The following DCBLD1 variants were observed in gnomAD, a reference collection of about 807,000 sequenced individuals.
DCBLD1 encodes discoidin, CUB and LCCL domain containing 1.
DCBLD1 carries 57 observed loss-of-function variants against 71.5 expected under a neutral mutation model. The ratio of observed to expected loss-of-function variants is 0.80; its 90% CI spans 0.64 to 0.99. DCBLD1 has a LOEUF of 0.99. Ranked by LOEUF, DCBLD1 falls within the 50% of genes least tolerant of loss-of-function variation. The pLI, the probability that DCBLD1 is intolerant of heterozygous loss-of-function variation, is 0.00. For missense variants in DCBLD1, 891 were observed against 923.5 expected, an observed-to-expected ratio of 0.96 and a Z score of 0.46; for synonymous variants, 380 against 363.8, an observed-to-expected ratio of 1.04 and a Z score of -0.51.
chr6:117,488,460 A>G (rs1441397536), intron 1 of DCBLD1, among the ~76,000 whole-genome samples: 2 of 152,052 alleles, frequency 1.3e-5, no homozygotes, highest in Non-Finnish European at 2.9e-5. Context: ...CCTGGGCAAC[A>G]TGGCGAAACC....
chr6:117,542,803 G>A (rs757050825), intron 11 of DCBLD1, among the ~76,000 whole-genome samples: 8 of 151,830 alleles, frequency 5.3e-5, no homozygotes, highest in African/African-American at 1.7e-4. Flanking sequence ...AGGGGTGGGG[G>A]AGGGGTTAAA....
intron 1 of DCBLD1, chr6:117,503,423 T>G: frequency 3.9e-6 from 1 of 258,256 alleles, no homozygotes; most frequent in Non-Finnish European, 7.4e-6. Context: ...TTACATGACA[T>G]TTGGCTTGGC....
chr6:117,514,617 A>T (rs1043130901), intron 2 of DCBLD1, among the ~76,000 whole-genome samples: 2 of 151,826 alleles, frequency 1.3e-5, no homozygotes, highest in African/African-American at 2.4e-5. Flanking sequence ...AATCCTCTCA[A>T]TGATGATATT....
chr6:117,534,574 G>A (rs181384581), intron 6 of DCBLD1, among the ~76,000 whole-genome samples: 58 of 152,218 alleles, frequency 3.8e-4, no homozygotes, highest in Non-Finnish European at 6.2e-4. Context: ...TCGTTTGTCT[G>A]TATTTGTATA....
intron 1 of DCBLD1, among the ~76,000 whole-genome samples, chr6:117,492,763 C>T (rs993515446): frequency 2.0e-5 from 3 of 152,142 alleles, no homozygotes; most frequent in African/African-American, 7.2e-5. Context: ...TCTCATGTTT[C>T]ATACCTTATT....
Position 117,503,795 on chromosome 6 carries a change from T to A in DCBLD1, c.141T>A (p.Tyr47Ter). ...LGDGCGHLVT[Y>*]QDSGTMTSKN... Reference sequence around the variant, plus strand: ...ATGGCTGTGGACACCTAGTGACTTATCAGGATAGTGGCACAATGACATCTA... The same window carrying A: ...ATGGCTGTGGACACCTAGTGACTTAACAGGATAGTGGCACAATGACATCTA... Residue 47 changes from tyrosine to a stop codon, truncating the protein, a stop_gained, in exon 2 of 15, where the codon TAT (tyrosine) becomes TAA (stop). Coordinates refer to ENST00000338728, the MANE Select transcript of DCBLD1 (RefSeq NM_001366458.2). LOFTEE classifies it high-confidence loss of function. 1 of 1,614,100 alleles carries A rather than the reference T, an allele frequency of 6.2e-7. No homozygotes were observed. The highest frequency in any genetic ancestry group is 8.5e-7 in the Non-Finnish European group (1 of 1,179,984).
At chr6:117,545,975 ACT>A (rs1335412527) in intron 14 of DCBLD1, among the ~76,000 whole-genome samples, 2 of 152,044 alleles carry the variant, frequency 1.3e-5, no homozygotes, top group African/African-American at 2.4e-5. Flanking sequence ...AAATAAAGGA[ACT>A]CTCTCAGTAT....
intron 1 of DCBLD1, among the ~76,000 whole-genome samples, chr6:117,483,716 T>A (rs1197841110): frequency 6.7e-6 from 1 of 148,404 alleles, no homozygotes; most frequent in Non-Finnish European, 1.5e-5. Flanking sequence ...TTTTTTTTAA[T>A]AGCAAGGGCC....
intron 1 of DCBLD1, among the ~76,000 whole-genome samples, chr6:117,495,935 C>T (rs563061778): frequency 4.6e-5 from 7 of 152,254 alleles, no homozygotes; most frequent in Admixed American, 2.0e-4. Flanking sequence ...ATAGAGGAAT[C>T]GTAGATAGGA....
In DCBLD1 at chr6:117,548,103, CGTG is replaced by C; in HGVS notation, c.1814_1816del (p.Val605del). 6.5e-7 allele frequency: 1 copy of C among 1,549,596 alleles called. No individual in the cohort carries two copies. The highest frequency in any genetic ancestry group is 1.4e-5 in the African/African-American group (1 of 73,146). Reference sequence around the variant, plus strand: ...CGGAGCCCGAGTACGCCACGCCCATCGTGGAGCGGCACGTGCTGCGCGCCCACA... The same window carrying C: ...CGGAGCCCGAGTACGCCACGCCCATCGAGCGGCACGTGCTGCGCGCCCACA... On this transcript the variant is annotated inframe_deletion, in exon 15 of 15. Transcript: ENST00000338728.
At chr6:117,552,159 G>C (rs968147794), downstream of DCBLD1, among the ~76,000 whole-genome samples, 1 of 152,084 alleles carries the variant, frequency 6.6e-6, no homozygotes, top group African/African-American at 2.4e-5. Context: ...AAATAGCACA[G>C]GTTTAGAACC....
rs557396590 is a variant in DCBLD1 at position 117,482,958 on chromosome 6, G to A, written c.112+65G>A. On this transcript the variant is annotated intron_variant, in intron 1 of 14. Coordinates refer to ENST00000338728, the MANE Select transcript of DCBLD1 (RefSeq NM_001366458.2). The stretch of plus-strand genomic sequence containing the variant: ...GCCAGGGGCGGGCTGAGGGCTGCGG[G>A]GCGGGCCGGGCCGGGCCGAGGGCTA... 638 of 618,518 alleles carry A rather than the reference G, an allele frequency of 1.0e-3. 2 individuals carry two copies. In the Middle Eastern group the frequency reaches 0.014, roughly 14 times the overall value. 38.3% of individuals were successfully genotyped at this position (618,518 alleles called of 1,614,324 possible). A position where few individuals can be genotyped will look rare whatever the true frequency, so the allele number is the denominator to read the frequency against.
chr6:117,535,834 T>C (rs1163761412), intron 6 of DCBLD1, among the ~76,000 whole-genome samples: 9 of 152,218 alleles, frequency 5.9e-5, no homozygotes, highest in Non-Finnish European at 1.0e-4. Flanking sequence ...TTAATATGAT[T>C]AGCGCCTTTC....
chr6:117,556,897 T>C (rs1418339478), intron 14 of DCBLD1, among the ~76,000 whole-genome samples: 1 of 152,234 alleles, frequency 6.6e-6, no homozygotes, highest in Admixed American at 6.5e-5. Context: ...TCTTGACTTT[T>C]TAATAATGGC....
At chr6:117,542,991 A>C in intron 11 of DCBLD1, 133 bp from the exon 12 acceptor site, 1 of 733,674 alleles carries the variant, frequency 1.4e-6, no homozygotes, top group Non-Finnish European at 2.4e-6. Context: ...ATATCAGTAA[A>C]TGCCTAACAT....
At chr6:117,500,996 G>GA (rs11418320) in intron 1 of DCBLD1, among the ~76,000 whole-genome samples, 28,070 of 147,660 alleles carry the variant, frequency 0.19, 2,852 homozygotes, top group African/African-American at 0.26. Context: ...ACTGTTTTCT[G>GA]AAAAAAAAAA....
downstream of DCBLD1, among the ~76,000 whole-genome samples, chr6:117,553,130 T>G (rs1389996143): frequency 6.6e-6 from 1 of 152,236 alleles, no homozygotes; most frequent in African/African-American, 2.4e-5. Context: ...TCCAGTTTAC[T>G]GGGGGCCCAT....
chr6:117,522,357 C>G (rs1778411321), intron 4 of DCBLD1, among the ~76,000 whole-genome samples: 1 of 152,160 alleles, frequency 6.6e-6, no homozygotes, highest in Non-Finnish European at 1.5e-5. Flanking sequence ...TGCCAAATGT[C>G]TCATGGTGGG....
intron 1 of DCBLD1, 59 bp downstream of exon 1, chr6:117,482,952 C>A: frequency 9.2e-7 from 1 of 1,088,992 alleles, no homozygotes; most frequent in South Asian, 4.0e-5. Context: ...GGGCTGAGGG[C>A]TGCGGGGCGG....
Sources: gnomAD v4.1 joint callset for allele counts (sites outside exome capture counted in the v4.1 genomes callset) on GRCh38, gnomAD v4.1.1 for gene constraint, MANE v1.5 for transcripts, NCBI Gene and HGNC (gene_info 2026-07-23, HGNC 2026-07-21) for gene names.